RFFL: variants seen among roughly 807,000 people sequenced by gnomAD.
RFFL encodes the protein E3 ubiquitin-protein ligase rififylin.
RFFL carries 16 observed loss-of-function variants against 40.4 expected under a neutral mutation model. The ratio of observed to expected loss-of-function variants is 0.40; its 90% confidence interval spans 0.27 to 0.60. The LOEUF (loss-of-function observed/expected upper bound fraction) is 0.60, where lower values mean the gene tolerates loss of function less well. Ranked by LOEUF, RFFL falls within the 20% of genes least tolerant of loss-of-function variation. The pLI is 0.47. For synonymous variants in RFFL, 154 were observed against 167.9 expected (o/e 0.92, Z 0.64); for missense variants, 367 against 451.7 (o/e 0.81, Z 1.70).
intron 1 of RFFL, among the ~76,000 whole-genome samples, chr17:35,075,986 CTTTTTTTTTTTT>C (rs35996071): frequency 2.5e-5 from 2 of 80,030 alleles, no homozygotes; most frequent in African/African-American, 1.1e-4. Context: ...TCAATTTATT[CTTTTTTTTTTTT>C]TTTTTTTTTT....
chr17:35,028,907 A>G (rs1249667837), intron 1 of RFFL, among the ~76,000 whole-genome samples: 1 of 151,974 alleles, frequency 6.6e-6, no homozygotes, highest in Non-Finnish European at 1.5e-5. Context: ...GTCTCTGATT[A>G]ACACCTGTCT....
intron 1 of RFFL, among the ~76,000 whole-genome samples, chr17:35,062,682 C>T (rs141008398): frequency 5.9e-5 from 9 of 152,196 alleles, no homozygotes; most frequent in African/African-American, 1.2e-4. Flanking sequence ...TGTAAAAGAA[C>T]GCTTACATAT....
chr17:35,017,381 A>C, intron 4 of RFFL, 142 bp downstream of exon 4: 1 of 642,618 alleles, frequency 1.6e-6, no homozygotes. Context: ...GAACACTAAC[A>C]CTAAACCCTA....
intron 1 of RFFL, among the ~76,000 whole-genome samples, chr17:35,030,202 T>C (rs2091073660): frequency 2.0e-5 from 3 of 146,408 alleles, no homozygotes; most frequent in South Asian, 2.2e-4. Flanking sequence ...TTTGGGTATA[T>C]ACCCAGTAAT....
chr17:35,067,053 T>G, upstream of RFFL, among the ~76,000 whole-genome samples: 1 of 152,098 alleles, frequency 6.6e-6, no homozygotes, highest in South Asian at 2.1e-4. Flanking sequence ...AAATGAACAT[T>G]TCTCATCCCA....
At chr17:35,015,057 C>T (rs1171754378) in intron 5 of RFFL, among the ~76,000 whole-genome samples, 1 of 152,228 alleles carries the variant, frequency 6.6e-6, no homozygotes, top group East Asian at 1.9e-4. Context: ...ACCTCTTTCT[C>T]ATGGGTTCAA....
Position 35,073,236 on chromosome 17 carries a change from C to G in RFFL, c.-9+15869G>C, listed in dbSNP as rs1392613121. Among the ~76,000 whole-genome samples, 4 of 152,112 alleles carry G rather than the reference C, an allele frequency of 2.6e-5. No homozygotes were observed. The South Asian group carries it at 6.2e-4, about 24-fold the overall frequency. On this transcript the variant is annotated intron_variant, in intron 1 of 6. Transcript: ENST00000315249. ...AATACATTCAGGCACTACCTGTGCC[C>G]TATCCATCACAATATTTTTATCGAG...
intron 4 of RFFL, among the ~76,000 whole-genome samples, chr17:35,017,214 A>T (rs959422119): frequency 6.6e-6 from 1 of 152,132 alleles, no homozygotes; most frequent in Non-Finnish European, 1.5e-5. Context: ...AGAAGCAAGG[A>T]AAGAACAAGA....
At chr17:35,078,890 G>C (rs1185777715) in intron 1 of RFFL, among the ~76,000 whole-genome samples, 1 of 151,312 alleles carries the variant, frequency 6.6e-6, no homozygotes, top group Non-Finnish European at 1.5e-5. Context: ...TAAGATGGGA[G>C]AATCACGTGA....
At chr17:35,088,180 G>C (rs1296199585) in intron 1 of RFFL, among the ~76,000 whole-genome samples, 1 of 152,136 alleles carries the variant, frequency 6.6e-6, no homozygotes, top group Non-Finnish European at 1.5e-5. Flanking sequence ...ATGCACCCCG[G>C]GATGTTTGCT....
At chr17:35,077,678 G>A (rs2091383934) in intron 1 of RFFL, among the ~76,000 whole-genome samples, 1 of 152,214 alleles carries the variant, frequency 6.6e-6, no homozygotes, top group African/African-American at 2.4e-5. Flanking sequence ...AAGGCAATCA[G>A]ATAAACCAGC....
chr17:35,006,966 T>C lies in RFFL; in HGVS notation c.*5002A>G, dbSNP rs2090899576. On this transcript the variant is annotated 3_prime_UTR_variant, in exon 7 of 7. Coordinates refer to ENST00000394597, the MANE Select transcript of RFFL (RefSeq NM_001017368.2). Reference sequence around the variant, plus strand: ...TTTTTGAATAGGCACCATTCAGCCTTGCTTCAGTATTAGGAATAAGATACT... The same window carrying C: ...TTTTTGAATAGGCACCATTCAGCCTCGCTTCAGTATTAGGAATAAGATACT... The C allele has an allele frequency of 1.3e-5, 2 of 152,306 alleles. No homozygotes were observed. The allele number at this position is 152,306 out of a possible 1,614,324, so 9.4% of individuals were successfully genotyped here. A position where few individuals can be genotyped will look rare whatever the true frequency, so the allele number is the denominator to read the frequency against.
chr17:35,039,151 C>T (rs1022885801), intron 1 of RFFL, among the ~76,000 whole-genome samples: 1 of 152,212 alleles, frequency 6.6e-6, no homozygotes, highest in African/African-American at 2.4e-5. Context: ...AAGCAATCCA[C>T]CCGCCTCAGC....
intron 1 of RFFL, among the ~76,000 whole-genome samples, chr17:35,080,304 T>C (rs2091397666): frequency 6.6e-6 from 1 of 152,172 alleles, no homozygotes; most frequent in Non-Finnish European, 1.5e-5. Flanking sequence ...TGATAGAGGA[T>C]GAAGCTTGGT....
chr17:35,042,931 A>G (rs2091176115), intron 1 of RFFL, among the ~76,000 whole-genome samples: 1 of 152,114 alleles, frequency 6.6e-6, no homozygotes, highest in South Asian at 2.1e-4. Context: ...GAATTAGGAT[A>G]AAGAGCCCTG....
At chr17:35,046,147 TTGTC>T (rs2091199125) in intron 1 of RFFL, among the ~76,000 whole-genome samples, 1 of 152,134 alleles carries the variant, frequency 6.6e-6, no homozygotes, top group African/African-American at 2.4e-5. Flanking sequence ...GAGAATTTCT[TTGTC>T]TGCTAAGATT....
chr17:35,083,485 A>T (rs1021597966), intron 1 of RFFL, among the ~76,000 whole-genome samples: 1 of 152,210 alleles, frequency 6.6e-6, no homozygotes, highest in African/African-American at 2.4e-5. Context: ...CTAAAAATTA[A>T]AAAAAGAAAA....
intron 1 of RFFL, among the ~76,000 whole-genome samples, chr17:35,087,078 G>C (rs1035491224): frequency 6.6e-6 from 1 of 152,092 alleles, no homozygotes; most frequent in Admixed American, 6.5e-5. Flanking sequence ...GAGGTGTTCC[G>C]GCCTGGCGCG....
At chr17:35,024,135 C>CG (rs2091026873) in intron 2 of RFFL, among the ~76,000 whole-genome samples, 1 of 152,150 alleles carries the variant, frequency 6.6e-6, no homozygotes, top group Non-Finnish European at 1.5e-5. Context: ...ACAGAACTGG[C>CG]CGTGGCGCCT....
Sources: allele counts gnomAD v4.1 joint callset (sites outside exome capture counted in the v4.1 genomes callset), GRCh38; gene constraint gnomAD v4.1.1; transcripts MANE v1.5; gene names NCBI Gene and HGNC (gene_info 2026-07-23, HGNC 2026-07-21).